CTNNA3: variants seen among roughly 807,000 people sequenced by gnomAD.
CTNNA3 encodes catenin alpha 3.
CTNNA3 carries 76 observed loss-of-function variants against 95.7 expected under a neutral mutation model. The ratio of observed to expected loss-of-function variants is 0.79; its 90% CI spans 0.66 to 0.96. The LOEUF (loss-of-function observed/expected upper bound fraction) is 0.96, where lower values mean the gene tolerates loss of function less well. Ranked by LOEUF, CTNNA3 falls within the 40% of genes least tolerant of loss-of-function variation. The pLI is 0.00. For synonymous variants in CTNNA3, 431 were observed against 374.4 expected (o/e 1.15, Z -1.74); for missense variants, 1,191 against 1,089.8 (o/e 1.09, Z -1.31).
intron 15 of CTNNA3, among the ~76,000 whole-genome samples, chr10:66,028,013 C>T (rs1315175251): frequency 6.6e-6 from 1 of 152,166 alleles, no homozygotes. Flanking sequence ...ACAGACAAAA[C>T]CTGCATAAGT....
At chr10:67,504,650 T>C (rs1839377765) in intron 5 of CTNNA3, among the ~76,000 whole-genome samples, 1 of 152,124 alleles carries the variant, frequency 6.6e-6, no homozygotes, top group Non-Finnish European at 1.5e-5. Flanking sequence ...ACACATTGGT[T>C]AATACCAAGT....
intron 3 of CTNNA3, among the ~76,000 whole-genome samples, chr10:67,553,609 T>G (rs190903068): frequency 6.6e-6 from 1 of 152,274 alleles, no homozygotes; most frequent in East Asian, 1.9e-4. Context: ...GAAATAAGAT[T>G]ATTCTCTGGG....
chr10:67,080,457 T>C (rs577318362), intron 7 of CTNNA3, among the ~76,000 whole-genome samples: 1 of 152,322 alleles, frequency 6.6e-6, no homozygotes, highest in Non-Finnish European at 1.5e-5. Flanking sequence ...ACTTAGAATG[T>C]TAGGTCCCAG....
At chr10:67,124,057 G>A (rs1268998783) in intron 7 of CTNNA3, among the ~76,000 whole-genome samples, 4 of 152,102 alleles carry the variant, frequency 2.6e-5, no homozygotes, top group African/African-American at 9.7e-5. Context: ...CCCAGCCCAG[G>A]AACTCTAAGG....
chr10:66,646,859 T>TCATATGCAAGC (rs1845724170), intron 9 of CTNNA3, among the ~76,000 whole-genome samples: 1 of 152,144 alleles, frequency 6.6e-6, no homozygotes, highest in South Asian at 2.1e-4. Context: ...TGAACAAAAT[T>TCATATGCAAGC]ACCTTGTAAA....
chr10:66,280,446 C>A, intron 13 of CTNNA3, 24 bp downstream of exon 13: 1 of 1,593,154 alleles, frequency 6.3e-7, no homozygotes, highest in South Asian at 1.1e-5. Flanking sequence ...TGCAATAATT[C>A]AATGGAAGGA....
At chr10:66,108,564 T>C (rs1165667194) in intron 13 of CTNNA3, among the ~76,000 whole-genome samples, 1 of 152,190 alleles carries the variant, frequency 6.6e-6, no homozygotes, top group Non-Finnish European at 1.5e-5. Context: ...CTTTAGGTCC[T>C]TTTTCATGAT....
chr10:66,361,327 C>A (rs1239586332), intron 12 of CTNNA3, among the ~76,000 whole-genome samples: 1 of 128,684 alleles, frequency 7.8e-6, no homozygotes, highest in Non-Finnish European at 1.7e-5. Flanking sequence ...CCTCCCCTTC[C>A]TCCCTCCCTC....
At chr10:67,677,408 A>C (rs1840555213) in intron 1 of CTNNA3, among the ~76,000 whole-genome samples, 1 of 152,130 alleles carries the variant, frequency 6.6e-6, no homozygotes, top group Non-Finnish European at 1.5e-5. Flanking sequence ...AATTTAAATC[A>C]AGAGTGTGTC....
chr10:66,394,183 G>A, intron 11 of CTNNA3, among the ~76,000 whole-genome samples: 1 of 152,080 alleles, frequency 6.6e-6, no homozygotes, highest in South Asian at 2.1e-4. Context: ...CATTGACTAT[G>A]CTCTGGTAAT....
intron 7 of CTNNA3, among the ~76,000 whole-genome samples, chr10:66,780,415 C>T (rs1020044026): frequency 6.9e-6 from 1 of 145,382 alleles, no homozygotes; most frequent in Non-Finnish European, 1.5e-5. Flanking sequence ...ATAGAGTAAC[C>T]TGGGTAGGAG....
chr10:67,504,800 A>G (rs1839382552), intron 5 of CTNNA3, among the ~76,000 whole-genome samples: 1 of 152,224 alleles, frequency 6.6e-6, no homozygotes, highest in Non-Finnish European at 1.5e-5. Flanking sequence ...TTTTTAAGAC[A>G]AAAATGTTTC....
chr10:66,402,269 T>C (rs1278727533), intron 11 of CTNNA3, among the ~76,000 whole-genome samples: 1 of 152,174 alleles, frequency 6.6e-6, no homozygotes, highest in Admixed American at 6.5e-5. Flanking sequence ...AACCATTGAT[T>C]AGATGCATAG....
At chr10:66,855,083 A>G (rs1347134965) in intron 7 of CTNNA3, among the ~76,000 whole-genome samples, 2 of 151,914 alleles carry the variant, frequency 1.3e-5, no homozygotes, top group Non-Finnish European at 2.9e-5. Context: ...ATTGAATAAC[A>G]GGCTAAAAGT....
At chr10:67,284,256 A>C (rs1839507783) in intron 5 of CTNNA3, among the ~76,000 whole-genome samples, 1 of 152,192 alleles carries the variant, frequency 6.6e-6, no homozygotes, top group South Asian at 2.1e-4. Context: ...ATTGCTTTTA[A>C]GGAGTGAATT....
intron 13 of CTNNA3, among the ~76,000 whole-genome samples, chr10:66,115,975 A>G (rs2082327193): frequency 1.3e-5 from 2 of 152,216 alleles, no homozygotes; most frequent in African/African-American, 2.4e-5. Flanking sequence ...TTTATGGGAC[A>G]TAAGAATTCC....
intron 7 of CTNNA3, among the ~76,000 whole-genome samples, chr10:67,054,446 A>G (rs1392319596): frequency 1.3e-5 from 2 of 152,152 alleles, no homozygotes; most frequent in East Asian, 1.9e-4. Flanking sequence ...AGCTTCTTCA[A>G]TCTCTGGCCT....
At chr10:66,945,237 C>G (rs1848217205) in intron 7 of CTNNA3, among the ~76,000 whole-genome samples, 1 of 152,200 alleles carries the variant, frequency 6.6e-6, no homozygotes, top group East Asian at 1.9e-4. Context: ...GTGTAACCAC[C>G]TTCATCAATT....
At chr10:67,222,883 C>T (rs901937414) in intron 5 of CTNNA3, among the ~76,000 whole-genome samples, 3 of 152,160 alleles carry the variant, frequency 2.0e-5, no homozygotes, top group African/African-American at 7.2e-5. Context: ...AATCAAGAAG[C>T]TAAAGTTAAA....
Sources: allele counts gnomAD v4.1 joint callset (sites outside exome capture counted in the v4.1 genomes callset), GRCh38; gene constraint gnomAD v4.1.1; transcripts MANE v1.5; gene names NCBI Gene and HGNC (gene_info 2026-07-23, HGNC 2026-07-21).